The following HHLA2 variants were observed in gnomAD, a reference collection of about 807,000 sequenced individuals.
HHLA2 encodes HERV-H LTR-associating protein 2.
A neutral mutation model predicts 45.9 loss-of-function variants in HHLA2; 48 were observed. That is an observed-to-expected ratio of 1.05 (90% confidence interval 0.83 to 1.33). HHLA2 has a LOEUF of 1.33. Ranked by LOEUF, HHLA2 falls within the 40% of genes most tolerant of loss-of-function variation. The pLI, the probability that HHLA2 is intolerant of heterozygous loss-of-function variation, is 0.00. For synonymous variants in HHLA2, 161 were observed against 173.9 expected, an observed-to-expected ratio of 0.93 and a Z score of 0.59; for missense variants, 462 against 494.3, an observed-to-expected ratio of 0.93 and a Z score of 0.62.
At chr3:108,326,404 A>G (rs1474777488) in intron 2 of HHLA2, among the ~76,000 whole-genome samples, 1 of 152,172 alleles carries the variant, frequency 6.6e-6, no homozygotes, top group Non-Finnish European at 1.5e-5. Context: ...AGAACCAAGC[A>G]AAAGGAGTTT....
intron 3 of HHLA2, among the ~76,000 whole-genome samples, chr3:108,337,765 C>G (rs1292121659): frequency 6.6e-6 from 1 of 152,048 alleles, no homozygotes; most frequent in Non-Finnish European, 1.5e-5. Context: ...CCTGTGTTGA[C>G]TTTCTTGGAA....
chr3:108,327,466 T>C (rs995344039), intron 2 of HHLA2, among the ~76,000 whole-genome samples: 3 of 152,210 alleles, frequency 2.0e-5, no homozygotes, highest in African/African-American at 7.2e-5. Flanking sequence ...GTGTCCTCTG[T>C]TTCTCATCTT....
At chr3:108,377,286 G>T in exon 11 of HHLA2, 1 of 1,571,102 alleles carries the variant, frequency 6.4e-7, no homozygotes, top group Non-Finnish European at 8.7e-7. Flanking sequence ...TAGGAAATGA[G>T]AGAAGACTGT....
At chr3:108,301,045 G>A (rs2080840178) in intron 1 of HHLA2, among the ~76,000 whole-genome samples, 2 of 152,172 alleles carry the variant, frequency 1.3e-5, no homozygotes, top group South Asian at 4.2e-4. Context: ...GGAAAGGAAG[G>A]AATTATACAT....
At chr3:108,359,331 T>C (rs1318803091) in intron 7 of HHLA2, among the ~76,000 whole-genome samples, 2 of 151,936 alleles carry the variant, frequency 1.3e-5, no homozygotes, top group African/African-American at 4.8e-5. Context: ...CATTCTCAAA[T>C]AAATGTTGGC....
At chr3:108,364,043 G>A (rs1045492125) in intron 8 of HHLA2, among the ~76,000 whole-genome samples, 1 of 151,622 alleles carries the variant, frequency 6.6e-6, no homozygotes, top group African/African-American at 2.4e-5. Flanking sequence ...TGTTACATAG[G>A]TATACATGTG....
chr3:108,376,366 TGTTA>T, intron 9 of HHLA2, 123 bp from the exon 9 acceptor site: 1 of 667,296 alleles, frequency 1.5e-6, no homozygotes, highest in Non-Finnish European at 2.5e-6. Context: ...TCATGTTGTT[TGTTA>T]AAGATATGCA....
chr3:108,355,426 T>TG (rs750397542), intron 6 of HHLA2, 45 bp downstream of exon 5: 9 of 1,552,276 alleles, frequency 5.8e-6, no homozygotes, highest in Non-Finnish European at 7.0e-6. Context: ...GTTTCAAAGT[T>TG]GGGGGGTAAT....
chr3:108,337,755 C>T (rs764761711), intron 3 of HHLA2, among the ~76,000 whole-genome samples: 1 of 151,970 alleles, frequency 6.6e-6, no homozygotes. Flanking sequence ...GTCCAGGGTT[C>T]CTGTGTTGAC....
intron 2 of HHLA2, among the ~76,000 whole-genome samples, chr3:108,316,137 A>T (rs1271996801): frequency 1.3e-5 from 2 of 152,144 alleles, no homozygotes; most frequent in African/African-American, 4.8e-5. Flanking sequence ...TAAATATTCC[A>T]GCCGGAAAAG....
At chr3:108,337,393 A>AT (rs1405001966) in intron 3 of HHLA2, among the ~76,000 whole-genome samples, 2 of 152,170 alleles carry the variant, frequency 1.3e-5, no homozygotes, top group Admixed American at 6.6e-5. Context: ...TAACTCCCAG[A>AT]TGCAGCAGCT....
At chr3:108,355,523 C>T in intron 6 of HHLA2, 142 bp downstream of exon 5, 1 of 901,718 alleles carries the variant, frequency 1.1e-6, no homozygotes, top group Admixed American at 2.6e-5. Context: ...GACCGAAGCC[C>T]TAGGGCTGGT....
intron 9 of HHLA2, 71 bp downstream of exon 8, chr3:108,375,871 A>G: frequency 6.4e-7 from 1 of 1,566,534 alleles, no homozygotes; most frequent in Admixed American, 1.8e-5. Flanking sequence ...ATCGGCAAAA[A>G]CTCTGTCACA....
At chr3:108,353,713 A>C in exon 5 of HHLA2, 1 of 1,613,626 alleles carries the variant, frequency 6.2e-7, no homozygotes, top group Non-Finnish European at 8.5e-7. Flanking sequence ...TGGACGAAGG[A>C]ATTTACACCT....
At chr3:108,338,420 A>G (rs1435030660) in intron 3 of HHLA2, among the ~76,000 whole-genome samples, 1 of 152,112 alleles carries the variant, frequency 6.6e-6, no homozygotes, top group Non-Finnish European at 1.5e-5. Flanking sequence ...GTAGAATTGA[A>G]TTAAGAAGCA....
chr3:108,340,716 G>C (rs1189792376), intron 3 of HHLA2, among the ~76,000 whole-genome samples: 1 of 151,998 alleles, frequency 6.6e-6, no homozygotes, highest in Non-Finnish European at 1.5e-5. Flanking sequence ...GTCATAAGAT[G>C]TCAAATTCAT....
intron 3 of HHLA2, among the ~76,000 whole-genome samples, chr3:108,331,707 A>G (rs1051083731): frequency 3.3e-5 from 5 of 152,126 alleles, no homozygotes; most frequent in East Asian, 1.9e-4. Flanking sequence ...AAGCACACCC[A>G]TTTGCCCTGT....
At chr3:108,330,152 A>G (rs752038478) in intron 3 of HHLA2, among the ~76,000 whole-genome samples, 3 of 152,186 alleles carry the variant, frequency 2.0e-5, no homozygotes. Context: ...ACCAAAATGG[A>G]AGCCACAGTG....
chr3:108,324,527 C>T (rs1430847976), intron 2 of HHLA2, among the ~76,000 whole-genome samples: 1 of 152,132 alleles, frequency 6.6e-6, no homozygotes, highest in Admixed American at 6.5e-5. Flanking sequence ...TCAAGCACTC[C>T]TAGGCTTTCA....
Sources: gnomAD v4.1 joint callset for allele counts (sites outside exome capture counted in the v4.1 genomes callset) on GRCh38, gnomAD v4.1.1 for gene constraint, MANE v1.5 for transcripts, NCBI Gene and HGNC (gene_info 2026-07-23, HGNC 2026-07-21) for gene names.